Variants in PDZRN4 observed in about 807,000 individuals in gnomAD.
PDZRN4 encodes PDZ domain-containing RING finger protein 4.
PDZRN4 carries 70 observed loss-of-function variants against 99.0 expected under a neutral mutation model. The observed-to-expected ratio is 0.71, with a 90% CI of 0.58 to 0.86. The LOEUF is 0.86. Among genes scored for constraint, PDZRN4 ranks in the 40% least tolerant of loss-of-function variants. The probability of loss-of-function intolerance (pLI) is 0.00; values close to 1 mark genes in which losing one functional copy is unlikely to be tolerated. For missense variants in PDZRN4, 1,474 were observed against 1,331.2 expected, an observed-to-expected ratio of 1.11 and a Z score of -1.67; for synonymous variants, 551 against 501.6, an observed-to-expected ratio of 1.10 and a Z score of -1.32.
Position 41,280,593 on chromosome 12 carries a change from C to T in PDZRN4, c.843+86405C>T, listed in dbSNP as rs1323484300. Among the ~76,000 whole-genome samples, 3 of 152,250 alleles carry T rather than the reference C, an allele frequency of 2.0e-5. No individual in the cohort carries two copies. The East Asian group carries it at 5.8e-4, about 29-fold the overall frequency. On this transcript the variant is annotated intron_variant, in intron 3 of 9. Coordinates refer to ENST00000402685, the MANE Select transcript of PDZRN4 (RefSeq NM_001164595.2). Reference sequence around the variant, plus strand: ...TCCCCTCACAGTGTAAACAAAGCTACCAGGAAGCTCGAACTGGGTGGAGCC... The same window carrying T: ...TCCCCTCACAGTGTAAACAAAGCTATCAGGAAGCTCGAACTGGGTGGAGCC...
chr12:41,237,076 T>C (rs1951072797), intron 3 of PDZRN4, among the ~76,000 whole-genome samples: 1 of 152,048 alleles, frequency 6.6e-6, no homozygotes, highest in African/African-American at 2.4e-5. Context: ...CAAAACTAAC[T>C]TGCATCACTG....
intron 3 of PDZRN4, among the ~76,000 whole-genome samples, chr12:41,228,541 G>A (rs1377687868): frequency 2.0e-5 from 3 of 152,090 alleles, no homozygotes; most frequent in Non-Finnish European, 4.4e-5. Flanking sequence ...AAAGTGTATG[G>A]TGGATTAAAG....
chr12:41,399,652 G>C (rs6582336), intron 3 of PDZRN4, among the ~76,000 whole-genome samples: 83,068 of 151,458 alleles, frequency 0.55, 24,202 homozygotes, highest in African/African-American at 0.77. Context: ...AGGAGAATTG[G>C]TTGAACCCAG....
At chr12:41,345,786 C>G (rs1380264630) in intron 3 of PDZRN4, among the ~76,000 whole-genome samples, 1 of 152,030 alleles carries the variant, frequency 6.6e-6, no homozygotes, top group East Asian at 1.9e-4. Context: ...TTTGAAATTC[C>G]AGTACAAATA....
At chr12:41,224,016 A>C (rs1367495073) in intron 3 of PDZRN4, among the ~76,000 whole-genome samples, 1 of 152,224 alleles carries the variant, frequency 6.6e-6, no homozygotes, top group Non-Finnish European at 1.5e-5. Context: ...TAAGTTCTAG[A>C]GTGCAACTCT....
chr12:41,516,293 T>C (rs1230389513), intron 5 of PDZRN4, among the ~76,000 whole-genome samples: 1 of 152,072 alleles, frequency 6.6e-6, no homozygotes, highest in Non-Finnish European at 1.5e-5. Flanking sequence ...CTTGTAATTA[T>C]CTGCACATCA....
intron 5 of PDZRN4, among the ~76,000 whole-genome samples, chr12:41,516,008 C>T (rs1466884308): frequency 6.6e-6 from 1 of 152,008 alleles, no homozygotes; most frequent in East Asian, 1.9e-4. Flanking sequence ...AAGCTGTGTG[C>T]TTTCCTTTCT....
intron 3 of PDZRN4, chr12:41,477,917 C>T: frequency 6.5e-7 from 1 of 1,536,770 alleles, no homozygotes; most frequent in Non-Finnish European, 8.8e-7. Context: ...GTTGGCCATC[C>T]ACTGTAAGTA....
At chr12:41,562,309 T>C (rs924371600) in intron 7 of PDZRN4, among the ~76,000 whole-genome samples, 1 of 152,180 alleles carries the variant, frequency 6.6e-6, no homozygotes, top group African/African-American at 2.4e-5. Flanking sequence ...ATTCATGGGC[T>C]TGTTTTCAGA....
chr12:41,539,134 T>C (rs1237930349), intron 5 of PDZRN4, among the ~76,000 whole-genome samples: 1 of 151,848 alleles, frequency 6.6e-6, no homozygotes, highest in Non-Finnish European at 1.5e-5. Context: ...AATATATATA[T>C]TTTGTGGGAG....
At chr12:41,241,264 G>A (rs1951100195) in intron 3 of PDZRN4, among the ~76,000 whole-genome samples, 1 of 151,988 alleles carries the variant, frequency 6.6e-6, no homozygotes, top group Non-Finnish European at 1.5e-5. Flanking sequence ...CTGGATTTTT[G>A]GATTATGAAT....
intron 3 of PDZRN4, among the ~76,000 whole-genome samples, chr12:41,362,564 C>T (rs183670860): frequency 1.3e-5 from 2 of 152,046 alleles, no homozygotes; most frequent in Non-Finnish European, 2.9e-5. Flanking sequence ...CACAGAGTAG[C>T]CTAATGATCC....
chr12:41,192,337 G>A (rs1950740693), intron 2 of PDZRN4, among the ~76,000 whole-genome samples: 1 of 152,032 alleles, frequency 6.6e-6, no homozygotes. Flanking sequence ...CTAATCTCAA[G>A]TGATCCACCT....
chr12:41,291,149 T>C (rs1227697624), intron 3 of PDZRN4, among the ~76,000 whole-genome samples: 1 of 152,128 alleles, frequency 6.6e-6, no homozygotes. Flanking sequence ...TTTGCACAGA[T>C]ATAATAAAAA....
intron 3 of PDZRN4, among the ~76,000 whole-genome samples, chr12:41,496,252 AAC>A (rs1938001148): frequency 6.6e-6 from 1 of 152,102 alleles, no homozygotes; most frequent in South Asian, 2.1e-4. Flanking sequence ...CCAGGAATGT[AAC>A]GTGTATCCCC....
At chr12:41,327,117 G>T (rs78004074) in intron 3 of PDZRN4, among the ~76,000 whole-genome samples, 9,691 of 151,944 alleles carry the variant, frequency 0.064, 762 homozygotes, top group African/African-American at 0.19. Flanking sequence ...TGTTTCTTTC[G>T]AATTTGAGTA....
chr12:41,555,722 A>G lies in PDZRN4; in HGVS notation c.1327A>G (p.Lys443Glu). Reference protein sequence around the residue: ...SEVDPNSIAAKDGRIREGDRI... With the variant: ...SEVDPNSIAAEDGRIREGDRI... ...GGTTGACCCAAATAGCATTGCTGCC[A>G]AAGACGGCCGGATTCGAGAAGGGGA... Residue 443 changes from lysine (K) to glutamate (E), a missense_variant, in exon 7 of 10, where the codon AAA (lysine) becomes GAA (glutamate). By Grantham distance (56) the Lys-to-Glu change is moderately conservative. Coordinates refer to ENST00000402685, the MANE Select transcript of PDZRN4 (RefSeq NM_001164595.2). The G allele has an allele frequency of 3.7e-6, 6 of 1,614,056 alleles. No homozygotes were observed. The highest frequency in any genetic ancestry group is 5.1e-6 in the Non-Finnish European group (6 of 1,179,936).
intron 3 of PDZRN4, among the ~76,000 whole-genome samples, chr12:41,335,077 A>G (rs12368074): frequency 0.29 from 44,549 of 151,902 alleles, 7,456 homozygotes; most frequent in Non-Finnish European, 0.39. Flanking sequence ...AAATATAAAC[A>G]TATTAAATAT....
intron 3 of PDZRN4, among the ~76,000 whole-genome samples, chr12:41,419,969 T>A (rs1487862678): frequency 6.6e-6 from 1 of 152,188 alleles, no homozygotes; most frequent in Non-Finnish European, 1.5e-5. Flanking sequence ...AGTTTCCATG[T>A]CCTTGAAGGA....
Sources: gnomAD v4.1 joint callset for allele counts (sites outside exome capture counted in the v4.1 genomes callset) on GRCh38, gnomAD v4.1.1 for gene constraint, MANE v1.5 for transcripts, NCBI Gene and HGNC (gene_info 2026-07-23, HGNC 2026-07-21) for gene names.